Variants in MBTPS1 observed in about 807,000 individuals in gnomAD.
The protein encoded by MBTPS1 is membrane bound transcription factor peptidase, site 1, also known as membrane-bound transcription factor site-1 protease.
Under a neutral mutation model 127.8 loss-of-function variants are expected in MBTPS1, and 94 were observed. The ratio of observed to expected loss-of-function variants is 0.74; its 90% CI spans 0.62 to 0.87. The LOEUF is 0.87. Among genes scored for constraint, MBTPS1 ranks in the 40% least tolerant of loss-of-function variants. MBTPS1 has a pLI of 0.00. For missense variants in MBTPS1, 1,636 were observed against 1,353.2 expected (o/e 1.21, Z -3.28); for synonymous variants, 632 against 509.4 (o/e 1.24, Z -3.24).
chr16:84,095,021 A>G (rs189725478), intron 4 of MBTPS1, among the ~76,000 whole-genome samples: 1 of 152,242 alleles, frequency 6.6e-6, no homozygotes, highest in East Asian at 1.9e-4. Context: ...GTCATGATGA[A>G]TCAGCAAGGG....
intron 1 of MBTPS1, among the ~76,000 whole-genome samples, chr16:84,105,193 A>C (rs1450580197): frequency 6.6e-6 from 1 of 152,214 alleles, no homozygotes; most frequent in Admixed American, 6.5e-5. Context: ...GGTATGTGGA[A>C]AACAGAGAAG....
chr16:84,085,125 C>A lies in MBTPS1; in HGVS notation c.1144G>T (p.Gly382Ter). 1 of 1,614,166 alleles carries A rather than the reference C, an allele frequency of 6.2e-7. No individual in the cohort carries two copies. Among genetic ancestry groups the A allele is most frequent in the Non-Finnish European group, 8.5e-7 (1 of 1,180,008 alleles). Residue 382 changes from glycine (G) to a stop codon, truncating the protein, a stop_gained, in exon 10 of 23, where the codon GGA becomes TGA. Transcript: ENST00000343411. LOFTEE classifies it high-confidence loss of function. Reference sequence around the variant, plus strand: ...TCAGGTTTCATGCGACCGTAGCCTCCTGGTAGCTCCTATGAATAAAAGCAG... The same window carrying A: ...TCAGGTTTCATGCGACCGTAGCCTCATGGTAGCTCCTATGAATAAAAGCAG... ...SRGMTTWELPGGYGRMKPDIV... is the reference protein window; with the variant it reads ...SRGMTTWELP
At chr16:84,093,650 A>G (rs972250701) in intron 5 of MBTPS1, 61 bp downstream of exon 5, 7 of 1,117,654 alleles carry the variant, frequency 6.3e-6, no homozygotes, top group Non-Finnish European at 9.5e-6. Flanking sequence ...CTGTGGAATC[A>G]TGCACTAAAC....
At chr16:84,076,952 G>T (rs1020223368) in intron 11 of MBTPS1, among the ~76,000 whole-genome samples, 19 of 152,200 alleles carry the variant, frequency 1.2e-4, no homozygotes, top group African/African-American at 4.6e-4. Context: ...AGGGCCGGGT[G>T]AAGTGACTCA....
chr16:84,055,340 G>A (rs2085506641), intron 22 of MBTPS1, among the ~76,000 whole-genome samples: 1 of 152,196 alleles, frequency 6.6e-6, no homozygotes, highest in Admixed American at 6.6e-5. Context: ...ACAATTCCTG[G>A]AACCCAGAGA....
chr16:84,054,778 C>T (rs2085495628), intron 22 of MBTPS1, 133 bp from the exon 23 acceptor site: 1 of 638,850 alleles, frequency 1.6e-6, no homozygotes, highest in South Asian at 2.4e-5. Context: ...GGGCATACAT[C>T]ATTTTTAAGC....
Position 84,112,561 on chromosome 16 carries a change from C to G in MBTPS1, c.-325+4174G>C, listed in dbSNP as rs980411285. ...CCTGTAGTCCCAGATACTCAGGAGG[C>G]TGAGACATGAGAATGGCGTGAATCT... On this transcript the variant is annotated intron_variant, in intron 1 of 22. Coordinates refer to ENST00000343411, the MANE Select transcript of MBTPS1 (RefSeq NM_003791.4). 8.7e-5 allele frequency among the ~76,000 whole-genome samples: 13 copies of G among 149,688 alleles called. No individual in the cohort carries two copies. In the South Asian group the frequency reaches 2.3e-3, roughly 27 times the overall value.
intron 10 of MBTPS1, 34 bp downstream of exon 10, chr16:84,084,949 T>C (rs1307177853): frequency 5.6e-6 from 9 of 1,604,744 alleles, no homozygotes; most frequent in Non-Finnish European, 7.7e-6. Context: ...TGTCCTGACG[T>C]GGGAGCTACT....
chr16:84,054,694 A>ACTG, intron 22 of MBTPS1, 49 bp from the exon 23 acceptor site: 1 of 1,419,378 alleles, frequency 7.0e-7, no homozygotes, highest in East Asian at 2.5e-5. Context: ...CAGAGCTACC[A>ACTG]TGACGGCCTT....
intron 11 of MBTPS1, among the ~76,000 whole-genome samples, chr16:84,077,489 G>A (rs1390157234): frequency 6.6e-6 from 1 of 152,050 alleles, no homozygotes; most frequent in African/African-American, 2.4e-5. Context: ...CAAATCACTG[G>A]GGCAAAGATG....
At chr16:84,096,726 G>A (rs940418250) in intron 3 of MBTPS1, among the ~76,000 whole-genome samples, 2 of 152,306 alleles carry the variant, frequency 1.3e-5, no homozygotes, top group Admixed American at 6.5e-5. Flanking sequence ...ATACAGTCAC[G>A]TCAATTCTGG....
At chr16:84,071,947 G>A in intron 12 of MBTPS1, 1 of 152,212 alleles carries the variant, frequency 6.6e-6, no homozygotes, top group East Asian at 1.9e-4. Context: ...AGAGGAAACA[G>A]AATTCGTAAA....
Position 84,095,829 on chromosome 16 carries a change from C to G in MBTPS1, c.422-24G>C, listed in dbSNP as rs371194549. The G allele has an allele frequency of 1.6e-5, 25 of 1,604,108 alleles. No homozygotes were observed. In the African/African-American group the frequency reaches 3.1e-4, roughly 20 times the overall value. ...AGCTACAGGCAAGGGAGAGAAAGAT[C>G]AGAACAGAAGAGCAAAACGAACTAC... On this transcript the variant is annotated intron_variant, in intron 3 of 22. Coordinates refer to ENST00000343411, the MANE Select transcript of MBTPS1 (RefSeq NM_003791.4).
At chr16:84,091,447 T>C (rs538279510) in intron 7 of MBTPS1, among the ~76,000 whole-genome samples, 82 of 143,610 alleles carry the variant, frequency 5.7e-4, no homozygotes, top group African/African-American at 2.0e-3. Context: ...GACTGTGCCA[T>C]TGTACTCCAG....
chr16:84,095,798 G>C lies in MBTPS1; in HGVS notation c.429C>G (p.Pro143=), dbSNP rs1217325892. 1 of 1,613,342 alleles carries C rather than the reference G, an allele frequency of 6.2e-7. No individual in the cohort carries two copies. Among genetic ancestry groups the C allele is most frequent in the African/African-American group, 1.3e-5 (1 of 74,896 alleles). The stretch of plus-strand genomic sequence containing the variant: ...ACCGGGTTTCATTGCAGGGTACTGT[G>C]GGGTCAGCTACAGGCAAGGGAGAGA... The part of the protein sequence containing the change: ...FRSLKYAESD[P]TVPCNETRWS... The change falls in exon 4 of 23, where the codon CCC becomes CCG. Residue 143 remains proline (P), a synonymous_variant. Transcript: ENST00000343411.
At chr16:84,055,084 C>A (rs544301721) in intron 22 of MBTPS1, among the ~76,000 whole-genome samples, 2 of 152,162 alleles carry the variant, frequency 1.3e-5, no homozygotes, top group African/African-American at 4.8e-5. Context: ...GAAGAAGCAC[C>A]GCTGGCAGTG....
rs1264532007 is a variant in MBTPS1 at position 84,056,389 on chromosome 16, G to GCCT, written c.2832-257_2832-255dup. ...TGAGTTTACAATATGACCAGCAGGA[G>GCCT]CCTGTTTTTGCATAAAGCTAAACAT... is the stretch of plus-strand genomic sequence containing the variant. On this transcript the variant is annotated intron_variant, in intron 21 of 22. Coordinates refer to ENST00000343411, the MANE Select transcript of MBTPS1 (RefSeq NM_003791.4). 5 of 375,268 alleles carry GCCT rather than the reference G, an allele frequency of 1.3e-5. No homozygotes were observed. The Admixed American group carries it at 2.1e-4, about 16-fold the overall frequency. 23.2% of individuals were successfully genotyped at this position (375,268 alleles called of 1,614,324 possible). A position where few individuals can be genotyped will look rare whatever the true frequency, so the allele number is the denominator to read the frequency against.
At chr16:84,093,906 G>C (rs868003592) in intron 4 of MBTPS1, 85 bp from the exon 5 acceptor site, 1 of 972,294 alleles carries the variant, frequency 1.0e-6, no homozygotes, top group Non-Finnish European at 1.6e-6. Flanking sequence ...TCCTTCCTGG[G>C]ACCCACAGAA....
chr16:84,090,367 C>A (rs1360137992), intron 8 of MBTPS1, among the ~76,000 whole-genome samples: 2 of 152,182 alleles, frequency 1.3e-5, no homozygotes, highest in African/African-American at 4.8e-5. Context: ...CCTAAATGAT[C>A]CCTCTCATCA....
Sources: allele counts gnomAD v4.1 joint callset (sites outside exome capture counted in the v4.1 genomes callset), GRCh38; gene constraint gnomAD v4.1.1; transcripts MANE v1.5; gene names NCBI Gene and HGNC (gene_info 2026-07-23, HGNC 2026-07-21).